NDE1: variants seen among roughly 807,000 people sequenced by gnomAD.
NDE1 encodes nudE neurodevelopment protein 1.
Under a neutral mutation model 43.4 loss-of-function variants are expected in NDE1, and 28 were observed. That is an observed-to-expected ratio of 0.65 (90% CI 0.48 to 0.89). NDE1 has a LOEUF of 0.89. NDE1 is among the 40% of genes least tolerant of loss of function. NDE1 has a pLI of 0.00. For missense variants in NDE1, 441 were observed against 434.1 expected (o/e 1.02, Z -0.14); for synonymous variants, 184 against 172.0 (o/e 1.07, Z -0.55).
intron 4 of NDE1, chr16:15,686,548 C>T (rs2038447712): frequency 3.0e-6 from 3 of 985,042 alleles, no homozygotes; most frequent in African/African-American, 1.7e-5. Context: ...CACAATGCCT[C>T]ATGCCTGTAA....
rs35974267 is a variant in NDE1, at chr16:15,656,857, G to A, written c.-44+6563G>A. On this transcript the variant is annotated intron_variant, in intron 1 of 8. Coordinates refer to ENST00000396354, the MANE Select transcript of NDE1 (RefSeq NM_017668.3). ...CACCCTGCCAGGCTTGGGTGTTCAA[G>A]GAAGAGAAAGAAGGCAGTGTGGCTG... Among the ~76,000 whole-genome samples, 615 of 152,084 alleles carry A rather than the reference G, an allele frequency of 4.0e-3. 12 individuals carry two copies. Among genetic ancestry groups the A allele is most frequent in the South Asian group, 0.025 (121 of 4,816 alleles).
At chr16:15,654,666 C>T (rs1466483070) in intron 1 of NDE1, among the ~76,000 whole-genome samples, 3 of 147,338 alleles carry the variant, frequency 2.0e-5, no homozygotes, top group Non-Finnish European at 4.5e-5. Context: ...TGAATCTGAT[C>T]TGCAGTCAGT....
chr16:15,658,551 C>T (rs1220317201), intron 1 of NDE1, among the ~76,000 whole-genome samples: 2 of 152,202 alleles, frequency 1.3e-5, no homozygotes, highest in Non-Finnish European at 2.9e-5. Context: ...GTAGGGTATT[C>T]TCCCAAGGGA....
intron 8 of NDE1, among the ~76,000 whole-genome samples, chr16:15,699,051 A>AT (rs991000672): frequency 2.0e-5 from 3 of 150,788 alleles, no homozygotes; most frequent in Non-Finnish European, 3.0e-5. Flanking sequence ...CCCCTGGCTA[A>AT]TTTTTTTTAT....
At chr16:15,680,756 TC>T (rs2038135880) in intron 4 of NDE1, among the ~76,000 whole-genome samples, 1 of 152,112 alleles carries the variant, frequency 6.6e-6, no homozygotes, top group Non-Finnish European at 1.5e-5. Flanking sequence ...GAGAGGCTGG[TC>T]TTGAACTCCT....
chr16:15,670,037 C>T (rs2037512978), intron 3 of NDE1, among the ~76,000 whole-genome samples: 2 of 152,196 alleles, frequency 1.3e-5, no homozygotes, highest in South Asian at 4.1e-4. Flanking sequence ...GCCAGCATCA[C>T]TAGGCCAGCT....
upstream of NDE1, among the ~76,000 whole-genome samples, chr16:15,648,066 A>G (rs1316873251): frequency 6.6e-6 from 1 of 151,374 alleles, no homozygotes; most frequent in Non-Finnish European, 1.5e-5. Context: ...AATAATATAT[A>G]TATTTTTAGT....
chr16:15,654,917 C>T (rs1317941405), intron 1 of NDE1, among the ~76,000 whole-genome samples: 1 of 151,692 alleles, frequency 6.6e-6, no homozygotes, highest in East Asian at 1.9e-4. Context: ...AGGTCAAATT[C>T]AGTACTTAAT....
intron 1 of NDE1, among the ~76,000 whole-genome samples, chr16:15,658,667 A>G (rs1239679784): frequency 1.3e-5 from 2 of 152,174 alleles, no homozygotes; most frequent in African/African-American, 4.8e-5. Context: ...TTTTGTTTAT[A>G]TGTTTTTGAA....
rs371581038 is a variant in NDE1 at position 15,717,252 on chromosome 16, G to T, written c.948-6939G>T. Reference sequence around the variant, plus strand: ...CCCTCCATCTCGTGGAGCTTGCTCCGGAGCTCCTTGTTCTGCCGCTCGAGC... The same window carrying T: ...CCCTCCATCTCGTGGAGCTTGCTCCTGAGCTCCTTGTTCTGCCGCTCGAGC... On this transcript the variant is annotated intron_variant, in intron 8 of 8. Transcript: ENST00000396354. 3 of 1,614,122 alleles carry T rather than the reference G, an allele frequency of 1.9e-6. No homozygotes were observed. The highest frequency in any genetic ancestry group is 2.5e-6 in the Non-Finnish European group (3 of 1,180,040).
chr16:15,677,735 G>C, intron 3 of NDE1, 66 bp from the exon 4 acceptor site: 3 of 1,577,270 alleles, frequency 1.9e-6, no homozygotes, highest in South Asian at 2.2e-5. Flanking sequence ...AGGTGGATGT[G>C]TGCTACTGTG....
intron 6 of NDE1, among the ~76,000 whole-genome samples, chr16:15,693,762 G>A (rs11866631): frequency 0.039 from 5,905 of 152,128 alleles, 387 homozygotes; most frequent in African/African-American, 0.13. Context: ...CAACGTGATG[G>A]AACTCTGTCT....
At chr16:15,674,691 A>G (rs1336194237) in intron 3 of NDE1, among the ~76,000 whole-genome samples, 1 of 152,120 alleles carries the variant, frequency 6.6e-6, no homozygotes, top group Non-Finnish European at 1.5e-5. Flanking sequence ...GGCACAAACA[A>G]CAGAAGTCAT....
At chr16:15,708,105 A>C (rs2039564950) in intron 8 of NDE1, among the ~76,000 whole-genome samples, 1 of 152,052 alleles carries the variant, frequency 6.6e-6, no homozygotes, top group African/African-American at 2.4e-5. Context: ...CCTCCAGAAA[A>C]GGCTCTGCCA....
chr16:15,705,498 C>T (rs2039399022), intron 8 of NDE1, among the ~76,000 whole-genome samples: 1 of 152,324 alleles, frequency 6.6e-6, no homozygotes, highest in South Asian at 2.1e-4. Flanking sequence ...AGAAGAAACA[C>T]TTAACTCTTT....
At chr16:15,703,302 A>G in intron 8 of NDE1, 1 of 227,488 alleles carries the variant, frequency 4.4e-6, no homozygotes, top group Non-Finnish European at 8.8e-6. Flanking sequence ...AAACCAGGAG[A>G]GGGGGAAAGA....
chr16:15,688,689 C>CTTTTTATTTTTTTTTTTTTTTTTTTTTT, intron 5 of NDE1, among the ~76,000 whole-genome samples: 1 of 59,992 alleles, frequency 1.7e-5, no homozygotes, highest in Non-Finnish European at 3.0e-5. Flanking sequence ...TTGTTTTTAC[C>CTTTTTATTTTTTTTTTTTTTTTTTTTTT]TTTTTTTTTT....
At chr16:15,677,279 A>G (rs543964876) in intron 3 of NDE1, among the ~76,000 whole-genome samples, 2 of 152,104 alleles carry the variant, frequency 1.3e-5, no homozygotes, top group African/African-American at 2.4e-5. Flanking sequence ...TGGGAGGAGT[A>G]GTTTCATAAA....
intron 1 of NDE1, among the ~76,000 whole-genome samples, chr16:15,661,378 A>G (rs1248356973): frequency 1.3e-5 from 2 of 152,002 alleles, no homozygotes; most frequent in Admixed American, 1.3e-4. Context: ...TTGATCTCCT[A>G]ACCTCGTGAT....
Sources: gnomAD v4.1 joint callset for allele counts (sites outside exome capture counted in the v4.1 genomes callset) on GRCh38, gnomAD v4.1.1 for gene constraint, MANE v1.5 for transcripts, NCBI Gene and HGNC (gene_info 2026-07-23, HGNC 2026-07-21) for gene names.